Variants in RALGAPA2 observed in about 807,000 individuals in gnomAD.
RALGAPA2 encodes ral GTPase-activating protein subunit alpha-2.
In RALGAPA2, 139 loss-of-function variants were observed where a neutral mutation model predicts 230.4. The ratio of observed to expected loss-of-function variants is 0.60; its 90% CI spans 0.53 to 0.69. The LOEUF is 0.69. RALGAPA2 is among the 30% of genes least tolerant of loss of function. The pLI is 0.00. For synonymous variants in RALGAPA2, 847 were observed against 837.8 expected (o/e 1.01, Z -0.19); for missense variants, 2,163 against 2,276.0 (o/e 0.95, Z 1.01).
At chr20:20,402,113 G>T (rs2059854786) in intron 38 of RALGAPA2, among the ~76,000 whole-genome samples, 1 of 152,216 alleles carries the variant, frequency 6.6e-6, no homozygotes, top group Non-Finnish European at 1.5e-5. Context: ...GTCTGAGAAT[G>T]GAGAGGCCTA....
At chr20:20,637,314 C>T (rs1274924171) in intron 8 of RALGAPA2, 49 bp downstream of exon 8, 2 of 1,434,546 alleles carry the variant, frequency 1.4e-6, no homozygotes, top group African/African-American at 1.4e-5. Flanking sequence ...AAAGAGACTG[C>T]ATAGCTTTCC....
chr20:20,607,805 T>C (rs371893635), intron 14 of RALGAPA2, among the ~76,000 whole-genome samples: 1 of 152,238 alleles, frequency 6.6e-6, no homozygotes, highest in African/African-American at 2.4e-5. Flanking sequence ...AATGACTTCT[T>C]GCAGCTTATA....
At chr20:20,589,398 T>C (rs907495062) in intron 17 of RALGAPA2, 33 bp from the exon 18 acceptor site, 2 of 1,545,094 alleles carry the variant, frequency 1.3e-6, no homozygotes, top group African/African-American at 1.4e-5. Context: ...GTAGCGGAAA[T>C]AGAAGGAATG....
At chr20:20,415,081 A>C (rs1034838032) in intron 37 of RALGAPA2, among the ~76,000 whole-genome samples, 3 of 152,264 alleles carry the variant, frequency 2.0e-5, no homozygotes, top group Non-Finnish European at 4.4e-5. Flanking sequence ...GCCATAAAAA[A>C]CACAGCGCTG....
At chr20:20,702,018 C>CTGTCGCAG (rs138330381) in intron 1 of RALGAPA2, among the ~76,000 whole-genome samples, 1,660 of 147,238 alleles carry the variant, frequency 0.011, 28 homozygotes, top group African/African-American at 0.04. Flanking sequence ...CTAGCCTGGG[C>CTGTCGCAG]GACAGAGCAA....
rs1233208046 is a variant in RALGAPA2 at position 20,512,518 on chromosome 20, G to T, written c.4851C>A (p.Asp1617Glu). The T allele has an allele frequency of 1.3e-6, 2 of 1,597,194 alleles. No individual in the cohort carries two copies. Among genetic ancestry groups the T allele is most frequent in the African/African-American group, 2.7e-5 (2 of 74,072 alleles). Residue 1617 changes from aspartate (D) to glutamate (E), a missense_variant, in exon 32 of 40, where the codon GAC becomes GAA. By Grantham distance (45) the Asp-to-Glu change is conservative. Coordinates refer to ENST00000202677, the MANE Select transcript of RALGAPA2 (RefSeq NM_020343.4). Reference sequence around the variant, plus strand: ...GGTCTAGCTTGGATTGTTACCTTCTGTCCCAAGAATTCATTCCCAAGTCAT... The same window carrying T: ...GGTCTAGCTTGGATTGTTACCTTCTTTCCCAAGAATTCATTCCCAAGTCAT... Reference protein sequence around the residue: ...LLDDLGMNSWDRRKNFHLLKK... With the variant: ...LLDDLGMNSWERRKNFHLLKK...
At chr20:20,561,395 GC>G (rs1272790667) in intron 23 of RALGAPA2, among the ~76,000 whole-genome samples, 1 of 152,178 alleles carries the variant, frequency 6.6e-6, no homozygotes. Context: ...TGGAACCTGA[GC>G]CCCCTTCCTG....
chr20:20,488,372 G>T (rs1248553981), intron 36 of RALGAPA2, among the ~76,000 whole-genome samples: 2 of 152,214 alleles, frequency 1.3e-5, no homozygotes, highest in African/African-American at 2.4e-5. Flanking sequence ...TTAACTCTCA[G>T]ATTTGCCCAC....
intron 37 of RALGAPA2, among the ~76,000 whole-genome samples, chr20:20,432,392 C>T (rs1269153579): frequency 6.6e-6 from 1 of 152,148 alleles, no homozygotes; most frequent in African/African-American, 2.4e-5. Context: ...GCAGTGGCTC[C>T]CTGAGCTCGT....
chr20:20,631,889 C>T (rs886716202), intron 9 of RALGAPA2, among the ~76,000 whole-genome samples: 2 of 152,128 alleles, frequency 1.3e-5, no homozygotes, highest in African/African-American at 4.8e-5. Flanking sequence ...CCCTCCCTAC[C>T]AGAACCTCAG....
intron 24 of RALGAPA2, among the ~76,000 whole-genome samples, chr20:20,541,947 G>C (rs118026420): frequency 0.018 from 2,666 of 152,088 alleles, 95 homozygotes; most frequent in East Asian, 0.14. Flanking sequence ...AGAAATAAAG[G>C]GTATTCAAAT....
rs1568741580 is a variant in RALGAPA2 at position 20,677,628 on chromosome 20, C to CTTT, written c.218-1341_218-1340insAAA. On this transcript the variant is annotated intron_variant, in intron 2 of 39. Coordinates refer to ENST00000202677, the MANE Select transcript of RALGAPA2 (RefSeq NM_020343.4). ...AGCAGCCAAGAATCATGATTTGACCCATTTTTTTTTTTTTTTTTTTTTTTT... is the reference window on the plus strand; with the variant it reads ...AGCAGCCAAGAATCATGATTTGACCCTTTATTTTTTTTTTTTTTTTTTTTTTTT... Among the ~76,000 whole-genome samples, 125 of 121,816 alleles carry CTTT rather than the reference C, an allele frequency of 1.0e-3. 5 individuals are homozygous for CTTT. Among genetic ancestry groups the CTTT allele is most frequent in the African/African-American group, 1.8e-3 (53 of 29,628 alleles). 79.9% of individuals were successfully genotyped at this position (121,816 alleles called of 152,430 possible). A position where few individuals can be genotyped will look rare whatever the true frequency, so the allele number is the denominator to read the frequency against.
At chr20:20,568,886 T>A (rs1367446816) in intron 23 of RALGAPA2, among the ~76,000 whole-genome samples, 1 of 152,210 alleles carries the variant, frequency 6.6e-6, no homozygotes, top group African/African-American at 2.4e-5. Flanking sequence ...GATTATTTAT[T>A]TAAAAACACA....
In RALGAPA2 at chr20:20,611,668, T is replaced by C. The variant is rs570852761; in HGVS notation, c.1689-242A>G. Among the ~76,000 whole-genome samples, 16 of 152,290 alleles carry C rather than the reference T, an allele frequency of 1.1e-4. 1 individual carries two copies. Among genetic ancestry groups the C allele is most frequent in the African/African-American group, 3.6e-4 (15 of 41,570 alleles). ...CCACACAAACAGGCAGGATAAAACATCATTCCAGCCTGATTTTCTCCCCTT... is the reference window on the plus strand; with the variant it reads ...CCACACAAACAGGCAGGATAAAACACCATTCCAGCCTGATTTTCTCCCCTT... On this transcript the variant is annotated intron_variant, in intron 13 of 39. Transcript: ENST00000202677.
At chr20:20,613,461 G>A (rs971165866) in intron 13 of RALGAPA2, among the ~76,000 whole-genome samples, 3 of 152,106 alleles carry the variant, frequency 2.0e-5, no homozygotes, top group Admixed American at 1.3e-4. Flanking sequence ...ATCATCTATG[G>A]CACTGCACTG....
chr20:20,524,575 T>C, intron 29 of RALGAPA2, 32 bp from the exon 30 acceptor site: 1 of 1,613,262 alleles, frequency 6.2e-7, no homozygotes, highest in Non-Finnish European at 8.5e-7. Flanking sequence ...TAGCTTATGC[T>C]GCAGTCTCTT....
intron 23 of RALGAPA2, among the ~76,000 whole-genome samples, chr20:20,564,457 G>A (rs1055607465): frequency 6.6e-6 from 1 of 152,180 alleles, no homozygotes; most frequent in Non-Finnish European, 1.5e-5. Flanking sequence ...ACAAGTTGAT[G>A]GTTAGTACAG....
chr20:20,412,492 C>T (rs1251055312), intron 37 of RALGAPA2, among the ~76,000 whole-genome samples: 1 of 152,106 alleles, frequency 6.6e-6, no homozygotes, highest in African/African-American at 2.4e-5. Flanking sequence ...AGTGGTAGAT[C>T]TTTTACATCC....
At chr20:20,659,127 T>C (rs1603214908) in intron 3 of RALGAPA2, among the ~76,000 whole-genome samples, 1 of 152,198 alleles carries the variant, frequency 6.6e-6, no homozygotes, top group Non-Finnish European at 1.5e-5. Flanking sequence ...TTTTGAATAA[T>C]AAATATGCAG....
Sources: gnomAD v4.1 joint callset for allele counts (sites outside exome capture counted in the v4.1 genomes callset) on GRCh38, gnomAD v4.1.1 for gene constraint, MANE v1.5 for transcripts, NCBI Gene and HGNC (gene_info 2026-07-23, HGNC 2026-07-21) for gene names.